CTNNA3: variants seen among roughly 807,000 people sequenced by gnomAD.
CTNNA3 encodes catenin alpha-3.
In CTNNA3, 76 loss-of-function variants were observed where a neutral mutation model predicts 95.7. The observed-to-expected ratio is 0.79, with a 90% CI of 0.66 to 0.96. The LOEUF is 0.96. Among genes scored for constraint, CTNNA3 ranks in the 40% least tolerant of loss-of-function variants. The probability of loss-of-function intolerance (pLI) is 0.00; values close to 1 mark genes in which losing one functional copy is unlikely to be tolerated. For missense variants in CTNNA3, 1,191 were observed against 1,089.8 expected, an observed-to-expected ratio of 1.09 and a Z score of -1.31; for synonymous variants, 431 against 374.4, an observed-to-expected ratio of 1.15 and a Z score of -1.74.
chr10:66,114,705 C>T (rs1217135437), intron 13 of CTNNA3, among the ~76,000 whole-genome samples: 2 of 151,246 alleles, frequency 1.3e-5, no homozygotes. Context: ...ATGGTGAAAC[C>T]CCGTCTCTAC....
chr10:66,903,806 G>GA (rs2132535145), intron 7 of CTNNA3, among the ~76,000 whole-genome samples: 1 of 152,164 alleles, frequency 6.6e-6, no homozygotes, highest in South Asian at 2.1e-4. Context: ...AAATACCTAG[G>GA]AATCCAACTT....
At chr10:66,600,741 C>G (rs988773226) in intron 10 of CTNNA3, among the ~76,000 whole-genome samples, 1 of 151,816 alleles carries the variant, frequency 6.6e-6, no homozygotes, top group African/African-American at 2.4e-5. Flanking sequence ...ATATTGGCAT[C>G]CTTTCTAATG....
At chr10:67,143,853 A>G (rs1860712822) in intron 7 of CTNNA3, among the ~76,000 whole-genome samples, 2 of 152,180 alleles carry the variant, frequency 1.3e-5, no homozygotes, top group East Asian at 3.9e-4. Context: ...GATAATGTTG[A>G]TATTTTGACC....
At chr10:66,979,625 T>A (rs1306398508) in intron 7 of CTNNA3, among the ~76,000 whole-genome samples, 1 of 152,060 alleles carries the variant, frequency 6.6e-6, no homozygotes, top group Non-Finnish European at 1.5e-5. Context: ...ATCAGTAAAA[T>A]GGGGAGTATA....
intron 3 of CTNNA3, among the ~76,000 whole-genome samples, chr10:67,587,460 T>G (rs893063945): frequency 5.9e-5 from 9 of 152,032 alleles, no homozygotes; most frequent in African/African-American, 2.2e-4. Context: ...TCTCCTTCAT[T>G]TATGAGGGTT....
At chr10:66,434,084 C>T (rs369060123) in intron 11 of CTNNA3, among the ~76,000 whole-genome samples, 2 of 152,136 alleles carry the variant, frequency 1.3e-5, no homozygotes, top group Non-Finnish European at 2.9e-5. Flanking sequence ...CATTATGCCT[C>T]CAGCTTTGTT....
chr10:66,667,281 C>T (rs1564606055), intron 9 of CTNNA3, among the ~76,000 whole-genome samples: 1 of 150,324 alleles, frequency 6.7e-6, no homozygotes, highest in Admixed American at 6.7e-5. Flanking sequence ...TCTATTCCCG[C>T]CTGTCCAGAT....
intron 11 of CTNNA3, among the ~76,000 whole-genome samples, chr10:66,487,362 C>T (rs113873903): frequency 1.3e-5 from 2 of 151,720 alleles, no homozygotes; most frequent in African/African-American, 4.8e-5. Context: ...CCAACACGCC[C>T]GGCTAATTTT....
intron 10 of CTNNA3, among the ~76,000 whole-genome samples, chr10:66,582,211 T>G (rs983902287): frequency 6.6e-6 from 1 of 151,928 alleles, no homozygotes; most frequent in Non-Finnish European, 1.5e-5. Context: ...GAAATTGCAT[T>G]GAATCTGTAG....
At chr10:66,399,231 T>C (rs2093001992) in intron 11 of CTNNA3, among the ~76,000 whole-genome samples, 1 of 151,858 alleles carries the variant, frequency 6.6e-6, no homozygotes, top group South Asian at 2.1e-4. Flanking sequence ...GAGTTAAAAT[T>C]GACTGTGAAT....
At chr10:66,324,382 T>C (rs1462663288) in intron 12 of CTNNA3, among the ~76,000 whole-genome samples, 1 of 152,118 alleles carries the variant, frequency 6.6e-6, no homozygotes, top group Non-Finnish European at 1.5e-5. Context: ...TGTAATCCAA[T>C]TCTTCCAGGA....
chr10:67,622,160 G>A (rs1448869298), intron 2 of CTNNA3, among the ~76,000 whole-genome samples: 3 of 152,144 alleles, frequency 2.0e-5, no homozygotes, highest in Non-Finnish European at 4.4e-5. Context: ...GACGACATCT[G>A]GGGAGATATG....
At chr10:66,457,493 C>T (rs776846501) in intron 11 of CTNNA3, among the ~76,000 whole-genome samples, 3 of 151,994 alleles carry the variant, frequency 2.0e-5, no homozygotes, top group Admixed American at 1.3e-4. Context: ...CTCAGCAATA[C>T]TATTCCTGGG....
At chr10:67,699,078 G>A (rs945940876), upstream of CTNNA3, among the ~76,000 whole-genome samples, 3 of 152,088 alleles carry the variant, frequency 2.0e-5, no homozygotes, top group African/African-American at 7.2e-5. Flanking sequence ...TCTCTTGTGT[G>A]CTGGATCCCT....
intron 12 of CTNNA3, among the ~76,000 whole-genome samples, chr10:66,335,692 G>C (rs2092386766): frequency 1.3e-5 from 2 of 152,140 alleles, no homozygotes; most frequent in Non-Finnish European, 2.9e-5. Flanking sequence ...CCCACTTGAG[G>C]AGGTAGTCTG....
chr10:66,414,882 G>A (rs1421339245), intron 11 of CTNNA3, among the ~76,000 whole-genome samples: 1 of 152,076 alleles, frequency 6.6e-6, no homozygotes, highest in Non-Finnish European at 1.5e-5. Context: ...AAGCCCAGTG[G>A]TGCTGAAGCT....
At chr10:67,438,276 G>A (rs1357684777) in intron 5 of CTNNA3, among the ~76,000 whole-genome samples, 2 of 152,072 alleles carry the variant, frequency 1.3e-5, no homozygotes, top group African/African-American at 4.8e-5. Flanking sequence ...TATCAATAAA[G>A]TATAAATTTC....
intron 2 of CTNNA3, among the ~76,000 whole-genome samples, chr10:67,617,122 T>C (rs1843681744): frequency 6.6e-6 from 1 of 152,238 alleles, no homozygotes; most frequent in Non-Finnish European, 1.5e-5. Context: ...TTTTAACTTT[T>C]ATTTTAAGTT....
At chr10:66,928,124 A>G (rs953501371) in intron 7 of CTNNA3, 1 of 1,613,986 alleles carries the variant, frequency 6.2e-7, no homozygotes, top group African/African-American at 1.3e-5. Context: ...GGAGCCACAG[A>G]GCCCGGCCCA....
Sources: allele counts gnomAD v4.1 joint callset (sites outside exome capture counted in the v4.1 genomes callset), GRCh38; gene constraint gnomAD v4.1.1; transcripts MANE v1.5; gene names NCBI Gene and HGNC (gene_info 2026-07-23, HGNC 2026-07-21).